Variants in LRRC7 observed in about 807,000 individuals in gnomAD.
LRRC7 encodes leucine rich repeat containing 7.
LRRC7 carries 23 observed loss-of-function variants against 175.7 expected under a neutral mutation model. The observed-to-expected ratio is 0.13, with a 90% confidence interval of 0.09 to 0.19. The LOEUF (loss-of-function observed/expected upper bound fraction) is 0.19. Ranked by LOEUF, LRRC7 falls within the 10% of genes least tolerant of loss-of-function variation. LRRC7 has a pLI of 1.00. For missense variants in LRRC7, 1,354 were observed against 1,904.7 expected, an observed-to-expected ratio of 0.71 and a Z score of 5.38; for synonymous variants, 685 against 680.9, an observed-to-expected ratio of 1.01 and a Z score of -0.09.
At chr1:69,880,587 T>C (rs2101610026) in intron 7 of LRRC7, among the ~76,000 whole-genome samples, 1 of 152,246 alleles carries the variant, frequency 6.6e-6, no homozygotes, top group South Asian at 2.1e-4. Flanking sequence ...GTAGCCTTTA[T>C]GAAAATATCA....
At position 70,125,310 on chromosome 1, in the gene LRRC7, T is replaced by C. The variant is rs981080526; in HGVS notation, c.*3423T>C. Among the ~76,000 whole-genome samples, 2 of 152,214 alleles carry C rather than the reference T, an allele frequency of 1.3e-5. No individual in the cohort carries two copies. Among genetic ancestry groups the C allele is most frequent in the Admixed American group, 6.5e-5 (1 of 15,286 alleles). ...ATTACTTTTGTTCCAACCTAGTACA[T>C]AGATGTAAAACAATCTCAGTTGTTT... On this transcript the variant is annotated 3_prime_UTR_variant, in exon 27 of 27. Coordinates refer to ENST00000651989, the MANE Select transcript of LRRC7 (RefSeq NM_001370785.2).
intron 2 of LRRC7, among the ~76,000 whole-genome samples, chr1:69,726,681 A>G (rs149757509): frequency 1.3e-5 from 2 of 152,298 alleles, no homozygotes; most frequent in East Asian, 3.9e-4. Flanking sequence ...AAAACCAAGA[A>G]GCAAGGTAAG....
intron 3 of LRRC7, among the ~76,000 whole-genome samples, chr1:69,763,149 A>C (rs551167638): frequency 6.6e-6 from 1 of 152,146 alleles, no homozygotes; most frequent in African/African-American, 2.4e-5. Flanking sequence ...GTAACAGAAA[A>C]CCCAATACAA....
At chr1:69,907,943 G>A (rs187676172) in intron 7 of LRRC7, among the ~76,000 whole-genome samples, 2,646 of 152,276 alleles carry the variant, frequency 0.017, 29 homozygotes, top group Non-Finnish European at 0.027. Context: ...TTCAGAGGCT[G>A]TTATTGATCT....
At chr1:69,779,985 C>T (rs967772119) in intron 3 of LRRC7, among the ~76,000 whole-genome samples, 10 of 152,190 alleles carry the variant, frequency 6.6e-5, no homozygotes, top group Non-Finnish European at 1.5e-4. Flanking sequence ...CTGCTGGCAC[C>T]AACTCTTAAT....
At chr1:69,858,297 AAG>A (rs1557819194) in intron 7 of LRRC7, among the ~76,000 whole-genome samples, 11 of 152,182 alleles carry the variant, frequency 7.2e-5, no homozygotes, top group Admixed American at 5.2e-4. Context: ...TGCACAGCAA[AAG>A]AAACTATCAT....
At chr1:69,682,010 C>T (rs769925439) in intron 2 of LRRC7, among the ~76,000 whole-genome samples, 1 of 152,160 alleles carries the variant, frequency 6.6e-6, no homozygotes, top group Non-Finnish European at 1.5e-5. Context: ...AAAAGTTCAA[C>T]TGGGGAAATA....
Position 69,781,727 on chromosome 1 carries a change from GAAA to G in LRRC7, c.304-10315_304-10313del, listed in dbSNP as rs1673587749. Among the ~76,000 whole-genome samples, 4 of 30,470 alleles carry G rather than the reference GAAA, an allele frequency of 1.3e-4. 1 individual carries two copies. Among genetic ancestry groups the G allele is most frequent in the African/African-American group, 4.1e-4 (2 of 4,906 alleles). 20.0% of individuals were successfully genotyped at this position (30,470 alleles called of 152,430 possible). A position where few individuals can be genotyped will look rare whatever the true frequency, so the allele number is the denominator to read the frequency against. On this transcript the variant is annotated intron_variant, in intron 3 of 26. Coordinates refer to ENST00000651989, the MANE Select transcript of LRRC7 (RefSeq NM_001370785.2). ...AGAAAGAAAGAAAGAAAGAAAGAAAGAAAGAAAGAGAGAGAGAGAGAGAGAGAG... is the reference window on the plus strand; with the variant it reads ...AGAAAGAAAGAAAGAAAGAAAGAAAGGAAAGAGAGAGAGAGAGAGAGAGAG...
At chr1:69,710,334 A>G (rs1045077975) in intron 2 of LRRC7, among the ~76,000 whole-genome samples, 14 of 151,514 alleles carry the variant, frequency 9.2e-5, no homozygotes, top group Non-Finnish European at 1.8e-4. Context: ...GGTTACCCAG[A>G]GCAGAGAAAG....
chr1:69,732,120 T>A (rs1439342123), intron 2 of LRRC7, among the ~76,000 whole-genome samples: 2 of 152,092 alleles, frequency 1.3e-5, no homozygotes. Flanking sequence ...AAGTATTACA[T>A]GTTACAAAAG....
At chr1:69,974,235 C>A (rs1325831053) in intron 8 of LRRC7, among the ~76,000 whole-genome samples, 2 of 152,234 alleles carry the variant, frequency 1.3e-5, no homozygotes, top group African/African-American at 4.8e-5. Context: ...CAACATATTA[C>A]TTTTTCATCA....
At chr1:69,828,303 C>G (rs1166931593) in intron 5 of LRRC7, among the ~76,000 whole-genome samples, 1 of 152,058 alleles carries the variant, frequency 6.6e-6, no homozygotes, top group Non-Finnish European at 1.5e-5. Context: ...GAGTAGTTTT[C>G]TGAGTCGTAT....
intron 2 of LRRC7, among the ~76,000 whole-genome samples, chr1:69,717,832 A>G (rs865981780): frequency 6.7e-5 from 4 of 59,760 alleles, no homozygotes; most frequent in Admixed American, 1.8e-4. Flanking sequence ...GAAAGAAAGA[A>G]AGAAAGAAAA....
chr1:69,595,441 A>AAAC (rs1646803912), intron 1 of LRRC7, among the ~76,000 whole-genome samples: 1 of 152,158 alleles, frequency 6.6e-6, no homozygotes, highest in African/African-American at 2.4e-5. Context: ...ACAAACAAAC[A>AAAC]AATAATGTTA....
intron 12 of LRRC7, 48 bp from the exon 13 acceptor site, chr1:70,012,926 T>C (rs774315803): frequency 2.2e-6 from 2 of 917,264 alleles, no homozygotes; most frequent in South Asian, 1.9e-5. Context: ...AATATAAAAA[T>C]AGTATTGTGG....
intron 4 of LRRC7, among the ~76,000 whole-genome samples, chr1:69,800,772 A>G (rs371734115): frequency 1.6e-4 from 24 of 151,992 alleles, no homozygotes; most frequent in African/African-American, 4.8e-4. Context: ...TTCTAATACT[A>G]TATTGAAGAG....
chr1:69,656,219 A>T (rs1031052338), intron 1 of LRRC7, among the ~76,000 whole-genome samples: 5 of 152,030 alleles, frequency 3.3e-5, no homozygotes, highest in Non-Finnish European at 5.9e-5. Flanking sequence ...AAACATGCTT[A>T]CTTTTTTGTC....
At chr1:70,027,006 T>A (rs1658181865) in intron 17 of LRRC7, among the ~76,000 whole-genome samples, 1 of 152,112 alleles carries the variant, frequency 6.6e-6, no homozygotes, top group African/African-American at 2.4e-5. Context: ...TACATGGGTG[T>A]GTGGGGGTGG....
intron 7 of LRRC7, among the ~76,000 whole-genome samples, chr1:69,905,722 G>A (rs1415056510): frequency 6.6e-6 from 1 of 152,152 alleles, no homozygotes; most frequent in East Asian, 1.9e-4. Flanking sequence ...AAACATACAT[G>A]TGCATGTGTC....
Sources: allele counts gnomAD v4.1 joint callset (sites outside exome capture counted in the v4.1 genomes callset), GRCh38; gene constraint gnomAD v4.1.1; transcripts MANE v1.5; gene names NCBI Gene and HGNC (gene_info 2026-07-23, HGNC 2026-07-21).